Variants in DOCK10 observed in about 807,000 individuals in gnomAD.
DOCK10 encodes the protein dedicator of cytokinesis 10.
Under a neutral mutation model 280.1 loss-of-function variants are expected in DOCK10, and 145 were observed. That is an observed-to-expected ratio of 0.52 (90% CI 0.45 to 0.59). The LOEUF is 0.59. DOCK10 is among the 20% of genes least tolerant of loss of function. DOCK10 has a pLI of 0.00. For missense variants in DOCK10, 2,368 were observed against 2,651.7 expected (o/e 0.89, Z 2.35); for synonymous variants, 915 against 942.2 (o/e 0.97, Z 0.53).
At position 224,845,475 on chromosome 2, in the gene DOCK10, A is replaced by G. The variant is rs777795468; in HGVS notation, c.2359+44T>C. On this transcript the variant is annotated intron_variant, in intron 20 of 55. Coordinates refer to ENST00000258390, the MANE Select transcript of DOCK10 (RefSeq NM_014689.3). Reference sequence around the variant, plus strand: ...GAAAACACTCTCCAAACCAATTCAAACAGAAGACATGTGACTCTGCCTCAG... The same window carrying G: ...GAAAACACTCTCCAAACCAATTCAAGCAGAAGACATGTGACTCTGCCTCAG... The G allele has an allele frequency of 8.8e-6, 14 of 1,589,106 alleles. No homozygotes were observed. The African/African-American group carries it at 1.9e-4, about 22-fold the overall frequency.
intron 1 of DOCK10, among the ~76,000 whole-genome samples, chr2:224,976,550 T>C (rs1001465250): frequency 1.3e-5 from 2 of 152,228 alleles, no homozygotes; most frequent in South Asian, 4.1e-4. Context: ...GACTCTGACT[T>C]GAAATCTAGA....
At chr2:224,901,478 G>A (rs1218894556) in intron 3 of DOCK10, among the ~76,000 whole-genome samples, 1 of 152,172 alleles carries the variant, frequency 6.6e-6, no homozygotes, top group African/African-American at 2.4e-5. Context: ...CATTTATTAT[G>A]TTTGCTTAGT....
chr2:224,886,510 C>A lies in DOCK10; in HGVS notation c.438G>T (p.Lys146Asn), dbSNP rs140831525. The change falls in exon 5 of 56, where the codon AAG becomes AAT. Residue 146 changes from lysine to asparagine, a missense_variant. Lys to Asn is a moderately conservative substitution (Grantham distance 94, BLOSUM62 0). This residue lies in a region of DOCK10 where 1,209 missense variants were observed against 1,250.9 expected (regional missense o/e 0.97). Coordinates refer to ENST00000258390, the MANE Select transcript of DOCK10 (RefSeq NM_014689.3). ...CAATCTCAAAGGAATGTGAAGGAAG[C>A]TTCTCTGGTTTGTATTCTGCTCTGA... The part of the protein sequence containing the change: ...QLPRAEYKPE[K>N]LPSHSFEIDH... The A allele has an allele frequency of 4.6e-4, 736 of 1,608,764 alleles. 8 individuals are homozygous for A. The African/African-American group carries it at 9.1e-3, about 20-fold the overall frequency.
intron 2 of DOCK10, among the ~76,000 whole-genome samples, chr2:224,920,236 CTTT>C (rs377415968): frequency 0.32 from 40,122 of 126,456 alleles, 5,126 homozygotes; most frequent in Middle Eastern, 0.35. Context: ...CTAATTTTCA[CTTT>C]TTTTTTTTTT....
intron 2 of DOCK10, among the ~76,000 whole-genome samples, chr2:224,920,621 A>T (rs1042162340): frequency 4.6e-5 from 7 of 151,688 alleles, no homozygotes; most frequent in Admixed American, 3.3e-4. Flanking sequence ...GGAATATTAC[A>T]TATTATAATC....
At chr2:224,951,159 A>G (rs1703704337) in intron 1 of DOCK10, among the ~76,000 whole-genome samples, 1 of 152,228 alleles carries the variant, frequency 6.6e-6, no homozygotes, top group Non-Finnish European at 1.5e-5. Context: ...CCTAACTTTT[A>G]TATGTAAGAA....
intron 14 of DOCK10, among the ~76,000 whole-genome samples, chr2:224,859,400 T>C (rs918157178): frequency 8.5e-5 from 13 of 152,184 alleles, no homozygotes; most frequent in Admixed American, 5.2e-4. Flanking sequence ...ATTCACAACC[T>C]GACACATTTG....
intron 1 of DOCK10, among the ~76,000 whole-genome samples, chr2:225,020,876 T>A (rs1199306981): frequency 6.6e-6 from 1 of 152,214 alleles, no homozygotes; most frequent in Non-Finnish European, 1.5e-5. Flanking sequence ...TGAAAGAAAA[T>A]TCATAAATGT....
At chr2:224,995,331 C>T (rs113541028) in intron 1 of DOCK10, among the ~76,000 whole-genome samples, 3 of 152,228 alleles carry the variant, frequency 2.0e-5, no homozygotes, top group East Asian at 1.9e-4. Context: ...TGTTGGAGTC[C>T]GCCTTGAAGA....
chr2:224,872,384 G>C (rs1698346984), intron 11 of DOCK10, among the ~76,000 whole-genome samples: 1 of 152,204 alleles, frequency 6.6e-6, no homozygotes, highest in Non-Finnish European at 1.5e-5. Context: ...ATTTAAAGGA[G>C]TGAAGACTGA....
At chr2:224,845,420 A>C (rs567762877) in intron 20 of DOCK10, 96 bp from the exon 21 acceptor site, 2 of 1,536,244 alleles carry the variant, frequency 1.3e-6, no homozygotes, top group East Asian at 4.6e-5. Flanking sequence ...ACTAAATTTC[A>C]TGAAAAATAA....
At chr2:224,879,800 A>G (rs901813324) in intron 7 of DOCK10, among the ~76,000 whole-genome samples, 1 of 152,120 alleles carries the variant, frequency 6.6e-6, no homozygotes, top group Non-Finnish European at 1.5e-5. Context: ...ATAGACACTC[A>G]TAAAAGAACT....
At chr2:224,833,716 G>A (rs1301302083) in intron 26 of DOCK10, among the ~76,000 whole-genome samples, 1 of 151,454 alleles carries the variant, frequency 6.6e-6, no homozygotes, top group African/African-American at 2.4e-5. Context: ...GCATGATCTC[G>A]GCTCACTGCA....
At chr2:224,810,075 A>G (rs1265794371) in intron 31 of DOCK10, among the ~76,000 whole-genome samples, 2 of 152,104 alleles carry the variant, frequency 1.3e-5, no homozygotes, top group East Asian at 1.9e-4. Context: ...AATAAGCCAA[A>G]CACAGAAGGA....
intron 39 of DOCK10, among the ~76,000 whole-genome samples, chr2:224,803,882 CTT>C (rs1414460721): frequency 1.3e-5 from 2 of 152,046 alleles, no homozygotes; most frequent in Admixed American, 6.6e-5. Flanking sequence ...TGGTGTACTC[CTT>C]ATCTCTTTGG....
In DOCK10 at chr2:224,987,707, T is replaced by C. The variant is rs368747818; in HGVS notation, c.123+54545A>G. ...AGGATTCAAATGTTCCTTCTCTCCCTGATCCCAGGGCCAGAAGGCAGAGTA... is the reference window on the plus strand; with the variant it reads ...AGGATTCAAATGTTCCTTCTCTCCCCGATCCCAGGGCCAGAAGGCAGAGTA... On this transcript the variant is annotated intron_variant, in intron 1 of 55. Transcript: ENST00000258390. 1.3e-3 allele frequency among the ~76,000 whole-genome samples: 193 copies of C among 152,298 alleles called. 3 individuals carry two copies. Among genetic ancestry groups the C allele is most frequent in the African/African-American group, 4.4e-3 (184 of 41,574 alleles).
chr2:224,862,061 A>C, intron 14 of DOCK10: 1 of 152,336 alleles, frequency 6.6e-6, no homozygotes, highest in East Asian at 1.9e-4. Flanking sequence ...TCTGAAAAGC[A>C]ATTATGGTTC....
chr2:224,805,162 T>A lies in DOCK10; in HGVS notation c.4052-38A>T. Reference sequence around the variant, plus strand: ...ACCAGGTAGTATGAGAATCTGAAGGTTTTCTTTTTCCTTTTTTCAAAAAAA... The same window carrying A: ...ACCAGGTAGTATGAGAATCTGAAGGATTTCTTTTTCCTTTTTTCAAAAAAA... On this transcript the variant is annotated intron_variant, in intron 36 of 55. Coordinates refer to ENST00000258390, the MANE Select transcript of DOCK10 (RefSeq NM_014689.3). This position sits in a 1 kb window ranked among gnomAD's most constrained non-coding sequence, Gnocchi z 4.3. 5 of 1,601,136 alleles carry A rather than the reference T, an allele frequency of 3.1e-6. No individual in the cohort carries two copies. Among genetic ancestry groups the A allele is most frequent in the Non-Finnish European group, 3.4e-6 (4 of 1,175,890 alleles).
chr2:224,881,450 T>G (rs1453822305), intron 7 of DOCK10, among the ~76,000 whole-genome samples: 1 of 152,214 alleles, frequency 6.6e-6, no homozygotes, highest in East Asian at 1.9e-4. Context: ...ATCTTTGTAG[T>G]GTTTTTTCTG....
Sources: allele counts gnomAD v4.1 joint callset (sites outside exome capture counted in the v4.1 genomes callset), GRCh38; gene constraint gnomAD v4.1.1; regional missense constraint gnomAD v4.1.1; non-coding constraint Gnocchi (gnomAD v3.1); transcripts MANE v1.5; gene names NCBI Gene and HGNC (gene_info 2026-07-23, HGNC 2026-07-21).